Variants in DNAH12 observed in about 807,000 individuals in gnomAD.
DNAH12 encodes the protein axonemal beta dynein heavy chain 12.
In DNAH12, 285 loss-of-function variants were observed where a neutral mutation model predicts 371.5. The observed-to-expected ratio is 0.77, with a 90% CI of 0.70 to 0.85. The LOEUF (loss-of-function observed/expected upper bound fraction) is 0.85. Ranked by LOEUF, DNAH12 falls within the 40% of genes least tolerant of loss-of-function variation. The probability of loss-of-function intolerance (pLI) is 0.00; values close to 1 mark genes in which losing one functional copy is unlikely to be tolerated. For missense variants in DNAH12, 3,611 were observed against 3,689.4 expected, an observed-to-expected ratio of 0.98 and a Z score of 0.55; for synonymous variants, 1,200 against 1,213.0, an observed-to-expected ratio of 0.99 and a Z score of 0.22.
At chr3:57,410,116 A>G (rs782802164) in intron 39 of DNAH12, among the ~76,000 whole-genome samples, 7 of 152,212 alleles carry the variant, frequency 4.6e-5, no homozygotes, top group Non-Finnish European at 7.3e-5. Context: ...ATAGTTGAAA[A>G]GTGCAGGCAT....
At chr3:57,339,399 A>G (rs2062335641) in intron 60 of DNAH12, among the ~76,000 whole-genome samples, 1 of 151,856 alleles carries the variant, frequency 6.6e-6, no homozygotes, top group East Asian at 1.9e-4. Flanking sequence ...AAAAAAAAGA[A>G]AGAAAGTTGA....
At chr3:57,381,240 T>G (rs1420779576) in intron 50 of DNAH12, among the ~76,000 whole-genome samples, 27 of 36,408 alleles carry the variant, frequency 7.4e-4, no homozygotes, top group African/African-American at 1.9e-3. Context: ...TAGGGAGGTG[T>G]GTGTGTGTGT....
intron 4 of DNAH12, among the ~76,000 whole-genome samples, chr3:57,519,145 G>A (rs9869188): frequency 0.071 from 10,754 of 152,214 alleles, 1,313 homozygotes; most frequent in African/African-American, 0.24. Flanking sequence ...TTACCATAAC[G>A]GCTAATGATG....
chr3:57,483,268 C>T (rs1374195365), intron 13 of DNAH12, 108 bp downstream of exon 13: 64 of 1,352,060 alleles, frequency 4.7e-5, no homozygotes, highest in South Asian at 4.2e-4. Flanking sequence ...GCAATATAAC[C>T]GCTCAATTTA....
chr3:57,531,316 C>T (rs1449000709), intron 2 of DNAH12, among the ~76,000 whole-genome samples: 2 of 152,176 alleles, frequency 1.3e-5, no homozygotes, highest in Admixed American at 1.3e-4. Context: ...TCCTTCAGCA[C>T]TTTAAATATT....
intron 60 of DNAH12, among the ~76,000 whole-genome samples, chr3:57,348,919 A>G (rs1559577229): frequency 6.6e-6 from 1 of 152,230 alleles, no homozygotes; most frequent in Non-Finnish European, 1.5e-5. Flanking sequence ...AAGAATAAGA[A>G]AGACACTCTT....
intron 11 of DNAH12, among the ~76,000 whole-genome samples, chr3:57,499,647 A>AAAAATATATATATATAT (rs1451248906): frequency 1.7e-4 from 3 of 17,958 alleles, no homozygotes; most frequent in Admixed American, 5.5e-4. Flanking sequence ...AAAAAAAAAA[A>AAAAATATATATATATAT]ATATATATAT....
Position 57,406,372 on chromosome 3 carries a change from G to GA in DNAH12, c.6277-421dup, listed in dbSNP as rs1303647224. Among the ~76,000 whole-genome samples the GA allele has an allele frequency of 5.8e-3, 691 of 119,442 alleles. 8 individuals carry two copies. The highest frequency in any genetic ancestry group is 0.022 in the African/African-American group (667 of 30,696). The allele number at this position is 119,442 out of a possible 152,430, so 78.4% of individuals were successfully genotyped here. A position where few individuals can be genotyped will look rare whatever the true frequency, so the allele number is the denominator to read the frequency against. On this transcript the variant is annotated intron_variant, in intron 40 of 73. Coordinates refer to ENST00000495027, the MANE Select transcript of DNAH12 (RefSeq NM_001366028.2). ...ATTCTGCCTCAAAAAAAAAAAAAAA[G>GA]AAAAAAAAAGATTATACTGGCTTGG...
At chr3:57,501,477 T>A in intron 10 of DNAH12, 65 bp from the exon 11 acceptor site, 2 of 1,187,450 alleles carry the variant, frequency 1.7e-6, no homozygotes, top group Non-Finnish European at 2.4e-6. Flanking sequence ...ACACTTTTTT[T>A]ATATGATCAT....
intron 45 of DNAH12, among the ~76,000 whole-genome samples, chr3:57,388,164 T>C (rs1350008757): frequency 6.6e-6 from 1 of 152,156 alleles, no homozygotes; most frequent in African/African-American, 2.4e-5. Flanking sequence ...TGGACGTGCT[T>C]TTCCCTCTGA....
At position 57,356,774 on chromosome 3, in the gene DNAH12, CT is replaced by C. The variant is rs1321383804; in HGVS notation, c.9533+401del. 1.2e-4 allele frequency among the ~76,000 whole-genome samples: 18 copies of C among 152,124 alleles called. No individual in the cohort carries two copies. The South Asian group carries it at 3.7e-3, about 32-fold the overall frequency. On this transcript the variant is annotated intron_variant, in intron 59 of 73. Coordinates refer to ENST00000495027, the MANE Select transcript of DNAH12 (RefSeq NM_001366028.2). ...TTTTATTTTTTAAGACAGTCTCACT[CT>C]GTTGCGCAGGCTGGAGTGCGGGGGT...
At chr3:57,356,791 G>T (rs920353365) in intron 59 of DNAH12, among the ~76,000 whole-genome samples, 113 of 152,088 alleles carry the variant, frequency 7.4e-4, no homozygotes, top group African/African-American at 2.7e-3. Context: ...GCAGGCTGGA[G>T]TGCGGGGGTG....
At chr3:57,343,638 G>T (rs547923771) in intron 60 of DNAH12, among the ~76,000 whole-genome samples, 33 of 152,242 alleles carry the variant, frequency 2.2e-4, no homozygotes, top group Non-Finnish European at 4.1e-4. Context: ...ACCTGTAAAG[G>T]GTCTGTGCTG....
At chr3:57,314,759 T>A (rs979300420) in intron 65 of DNAH12, 128 bp from the exon 66 acceptor site, 12 of 988,532 alleles carry the variant, frequency 1.2e-5, no homozygotes, top group South Asian at 2.0e-5. Flanking sequence ...ACTTCTATTT[T>A]AAAAAAATCC....
At chr3:57,304,286 G>A (rs915699891) in intron 69 of DNAH12, among the ~76,000 whole-genome samples, 2 of 152,138 alleles carry the variant, frequency 1.3e-5, no homozygotes, top group Non-Finnish European at 1.5e-5. Context: ...GACTCGGATC[G>A]GGGGACCTCC....
rs2063927373 is a variant in DNAH12, at chr3:57,403,316, T to G, written c.6941A>C (p.Asp2314Ala). 2 of 1,542,226 alleles carry G rather than the reference T, an allele frequency of 1.3e-6. No individual in the cohort carries two copies. The highest frequency in any genetic ancestry group is 8.7e-7 in the Non-Finnish European group (1 of 1,144,152). Residue 2314 changes from aspartate to alanine, a missense_variant, in exon 43 of 74, where the codon GAT becomes GCT. Asp to Ala is a moderately radical substitution (Grantham distance 126). This residue lies in a region of DNAH12 where 2,266 missense variants were observed against 2,236.9 expected (regional missense o/e 1.01). Coordinates refer to ENST00000495027, the MANE Select transcript of DNAH12 (RefSeq NM_001366028.2). ...GCTTCTTCATAATTTTACCTTCATA[T>G]CCTCTCTCCATTCATTCATACCATA... ...KSYGMNEWRE[D>A]MKGLLRNVGM...
intron 57 of DNAH12, among the ~76,000 whole-genome samples, chr3:57,364,996 G>T (rs1007439762): frequency 6.6e-6 from 1 of 152,138 alleles, no homozygotes; most frequent in Non-Finnish European, 1.5e-5. Context: ...AAATAGAAAC[G>T]CTTTTACACT....
At position 57,466,087 on chromosome 3, in the gene DNAH12, CA is replaced by C. The variant is rs2066194042; in HGVS notation, c.2349+2648del. 2.0e-5 allele frequency among the ~76,000 whole-genome samples: 3 copies of C among 152,068 alleles called. No individual in the cohort carries two copies. The East Asian group carries it at 5.8e-4, about 29-fold the overall frequency. ...TGCAATTCACACACACACACACACA[CA>C]CACACCAGATTAGTCATACATTATA... On this transcript the variant is annotated intron_variant, in intron 17 of 73. Coordinates refer to ENST00000495027, the MANE Select transcript of DNAH12 (RefSeq NM_001366028.2).
chr3:57,301,171 C>T (rs1239997669), intron 70 of DNAH12, among the ~76,000 whole-genome samples: 1 of 143,214 alleles, frequency 7.0e-6, no homozygotes, highest in East Asian at 2.2e-4. Context: ...CCTGTAGTTC[C>T]AGTTATTCAA....
Sources: allele counts gnomAD v4.1 joint callset (sites outside exome capture counted in the v4.1 genomes callset), GRCh38; gene constraint gnomAD v4.1.1; regional missense constraint gnomAD v4.1.1; transcripts MANE v1.5; gene names NCBI Gene and HGNC (gene_info 2026-07-23, HGNC 2026-07-21).